The following SAMD5 variants were observed in gnomAD, a reference collection of about 807,000 sequenced individuals.
The protein encoded by SAMD5 is sterile alpha motif domain-containing protein 5.
In SAMD5, 13 loss-of-function variants were observed where a neutral mutation model predicts 11.3. The observed-to-expected ratio is 1.15, with a 90% CI of 0.75 to 1.83. The LOEUF (loss-of-function observed/expected upper bound fraction) is 1.83, where lower values mean the gene tolerates loss of function less well. SAMD5 is among the 40% of genes most tolerant of loss of function. The pLI is 0.00. For synonymous variants in SAMD5, 129 were observed against 111.3 expected (o/e 1.16, Z -1.00); for missense variants, 255 against 239.1 (o/e 1.07, Z -0.44).
At chr6:147,899,189 A>AAAAAAAGAAAG in the SAMD5 span, among the ~76,000 whole-genome samples, 2 of 123,454 alleles carry the variant, frequency 1.6e-5, no homozygotes, top group Non-Finnish European at 3.1e-5. Flanking sequence ...AAAAAAAAAA[A>AAAAAAAGAAAG]AAAAGATAAC....
At chr6:147,540,439 C>T (rs962471858) in intron 1 of SAMD5, among the ~76,000 whole-genome samples, 1 of 152,080 alleles carries the variant, frequency 6.6e-6, no homozygotes, top group South Asian at 2.1e-4. Context: ...CTCTGGATGG[C>T]GGAAACCAAG....
intron 1 of SAMD5, among the ~76,000 whole-genome samples, chr6:147,652,606 C>G (rs1437258941): frequency 6.6e-6 from 1 of 152,092 alleles, no homozygotes; most frequent in Non-Finnish European, 1.5e-5. Flanking sequence ...GGCCAAGTGG[C>G]CTTCTGGGGC....
chr6:147,760,903 G>A, the SAMD5 span, among the ~76,000 whole-genome samples: 1 of 152,010 alleles, frequency 6.6e-6, no homozygotes, highest in Admixed American at 6.6e-5. Context: ...TCTGTTTTCA[G>A]GAATGAGGAA....
intron 1 of SAMD5, among the ~76,000 whole-genome samples, chr6:147,665,980 C>T (rs1790711677): frequency 1.3e-5 from 2 of 152,154 alleles, no homozygotes; most frequent in Admixed American, 1.3e-4. Context: ...ACTCTGTTGC[C>T]CCGGTTGGAG....
intron 1 of SAMD5, among the ~76,000 whole-genome samples, chr6:147,597,617 T>C (rs777084931): frequency 3.3e-5 from 5 of 152,226 alleles, no homozygotes; most frequent in Non-Finnish European, 5.9e-5. Context: ...TTCTAAAACA[T>C]GATTTATTTA....
intron 1 of SAMD5, among the ~76,000 whole-genome samples, chr6:147,557,433 C>T (rs1415064260): frequency 6.6e-6 from 1 of 152,220 alleles, no homozygotes; most frequent in Non-Finnish European, 1.5e-5. Context: ...TCAGCAAGGC[C>T]ATGCTGCCTC....
rs530823004 is a variant in SAMD5, at chr6:147,721,537, G to T, written c.163-15780G>T. On this transcript the variant is annotated intron_variant, in intron 1 of 1. Coordinates refer to the SAMD5 transcript ENST00000566741. Reference sequence around the variant, plus strand: ...TGTTCATATCCTTTGCCCACTTTTTGATGGGGTTGTTTGTTTTTTTCTTGT... The same window carrying T: ...TGTTCATATCCTTTGCCCACTTTTTTATGGGGTTGTTTGTTTTTTTCTTGT... Among the ~76,000 whole-genome samples, 5 of 152,250 alleles carry T rather than the reference G, an allele frequency of 3.3e-5. No individual in the cohort carries two copies. The South Asian group carries it at 8.3e-4, about 25-fold the overall frequency.
chr6:147,693,221 T>G (rs1210218291), intron 1 of SAMD5, among the ~76,000 whole-genome samples: 1 of 152,250 alleles, frequency 6.6e-6, no homozygotes, highest in Non-Finnish European at 1.5e-5. Context: ...CTAAGCAGTC[T>G]TTGACCTCCA....
At chr6:147,842,626 A>G in the SAMD5 span, among the ~76,000 whole-genome samples, 1 of 152,138 alleles carries the variant, frequency 6.6e-6, no homozygotes, top group Admixed American at 6.5e-5. Context: ...AATGAAAAAA[A>G]TGCGTCTTTA....
the SAMD5 span, among the ~76,000 whole-genome samples, chr6:147,917,739 G>A: frequency 1.3e-5 from 2 of 152,186 alleles, no homozygotes; most frequent in Non-Finnish European, 2.9e-5. Flanking sequence ...TTTGTATAAG[G>A]TGTAAGGAAG....
the SAMD5 span, among the ~76,000 whole-genome samples, chr6:147,940,969 A>T: frequency 6.6e-6 from 1 of 152,184 alleles, no homozygotes; most frequent in African/African-American, 2.4e-5. Context: ...CTCCAAAAAA[A>T]AAAGATGTAT....
At chr6:147,916,251 C>T in the SAMD5 span, among the ~76,000 whole-genome samples, 1 of 152,048 alleles carries the variant, frequency 6.6e-6, no homozygotes, top group Non-Finnish European at 1.5e-5. Flanking sequence ...GATTTATAAT[C>T]CTTTGGGTAT....
chr6:147,589,134 G>A (rs1456983146), intron 1 of SAMD5, among the ~76,000 whole-genome samples: 2 of 151,820 alleles, frequency 1.3e-5, no homozygotes, highest in African/African-American at 4.8e-5. Context: ...TTTAAAAATT[G>A]TTCTTGTAGA....
chr6:147,866,284 C>A, the SAMD5 span, among the ~76,000 whole-genome samples: 1 of 152,236 alleles, frequency 6.6e-6, no homozygotes, highest in Admixed American at 6.5e-5. Flanking sequence ...TCTTGAATTG[C>A]CATTGCTGAG....
intron 1 of SAMD5, among the ~76,000 whole-genome samples, chr6:147,733,571 C>T (rs1026246856): frequency 1.3e-5 from 2 of 152,044 alleles, no homozygotes; most frequent in African/African-American, 4.8e-5. Context: ...CAACTGTAGT[C>T]TCAGGAGTGA....
chr6:147,954,366 C>CACAT, the SAMD5 span, among the ~76,000 whole-genome samples: 2 of 152,062 alleles, frequency 1.3e-5, 1 homozygote, highest in African/African-American at 4.8e-5. Flanking sequence ...AGCAATGGAC[C>CACAT]ACATATAGGA....
At chr6:147,754,165 C>T in the SAMD5 span, among the ~76,000 whole-genome samples, 1 of 152,122 alleles carries the variant, frequency 6.6e-6, no homozygotes, top group Admixed American at 6.5e-5. Flanking sequence ...ATATTCCCAC[C>T]AACAGTGTAC....
At chr6:147,902,283 A>G in the SAMD5 span, among the ~76,000 whole-genome samples, 92 of 152,288 alleles carry the variant, frequency 6.0e-4, no homozygotes, top group African/African-American at 2.0e-3. Flanking sequence ...GCATTATAAA[A>G]TCCAGTTAGG....
intron 1 of SAMD5, among the ~76,000 whole-genome samples, chr6:147,529,334 T>G (rs957499713): frequency 3.9e-5 from 6 of 152,220 alleles, no homozygotes; most frequent in African/African-American, 1.4e-4. Flanking sequence ...GACATAGATT[T>G]TATTCTTATC....
Sources: gnomAD v4.1 joint callset for allele counts (sites outside exome capture counted in the v4.1 genomes callset) on GRCh38, gnomAD v4.1.1 for gene constraint, MANE v1.5 for transcripts, NCBI Gene and HGNC (gene_info 2026-07-23, HGNC 2026-07-21) for gene names.